MIDEAS: variants seen among roughly 807,000 people sequenced by gnomAD.
MIDEAS encodes mitotic deacetylase-associated SANT domain protein.
Under a neutral mutation model 102.7 loss-of-function variants are expected in MIDEAS, and 26 were observed. The observed-to-expected ratio is 0.25, with a 90% CI of 0.19 to 0.35. The LOEUF (loss-of-function observed/expected upper bound fraction) is 0.35, where lower values mean the gene tolerates loss of function less well. Ranked by LOEUF, MIDEAS falls within the 10% of genes least tolerant of loss-of-function variation. The pLI, the probability that MIDEAS is intolerant of heterozygous loss-of-function variation, is 1.00. For missense variants in MIDEAS, 1,231 were observed against 1,435.6 expected (o/e 0.86, Z 2.30); for synonymous variants, 585 against 591.0 (o/e 0.99, Z 0.15).
chr14:73,764,717 TG>T (rs2053580382), upstream of MIDEAS, among the ~76,000 whole-genome samples: 1 of 152,182 alleles, frequency 6.6e-6, no homozygotes, highest in Non-Finnish European at 1.5e-5. Context: ...CTTTTATCCT[TG>T]GAAAAAACCC....
intron 1 of MIDEAS, among the ~76,000 whole-genome samples, chr14:73,747,096 G>A (rs912429965): frequency 1.2e-4 from 19 of 152,136 alleles, no homozygotes; most frequent in Admixed American, 1.3e-4. Flanking sequence ...TTCCCTCAAG[G>A]CCTACCTCCT....
chr14:73,788,924 C>T (rs1420830425), upstream of MIDEAS: 2 of 152,168 alleles, frequency 1.3e-5, no homozygotes, highest in Non-Finnish European at 2.9e-5. Flanking sequence ...GTCACAATTT[C>T]ATGAATATTC....
chr14:73,745,323 C>T (rs1400780402), intron 1 of MIDEAS, among the ~76,000 whole-genome samples: 1 of 152,244 alleles, frequency 6.6e-6, no homozygotes, highest in African/African-American at 2.4e-5. Context: ...TGCAGGCCAA[C>T]TGGAAAAGTG....
At chr14:73,727,286 C>A in intron 5 of MIDEAS, 172 bp downstream of exon 5, 1 of 714,366 alleles carries the variant, frequency 1.4e-6, no homozygotes, top group Admixed American at 2.7e-5. Context: ...AACTTCCACA[C>A]AGAGGCAGGG....
Position 73,725,152 on chromosome 14 carries a change from G to T in MIDEAS, c.2574+120C>A, listed in dbSNP as rs901476309. 2.7e-6 allele frequency: 2 copies of T among 736,010 alleles called. No individual in the cohort carries two copies. Among genetic ancestry groups the T allele is most frequent in the South Asian group, 1.5e-5 (1 of 65,374 alleles). The allele number at this position is 736,010 out of a possible 1,614,324, so 45.6% of individuals were successfully genotyped here. On this transcript the variant is annotated intron_variant, in intron 9 of 12. Coordinates refer to ENST00000423556, the MANE Select transcript of MIDEAS (RefSeq NM_001367710.1). This position sits in a 1 kb window ranked among gnomAD's most constrained non-coding sequence, Gnocchi z 4.1. The stretch of plus-strand genomic sequence containing the variant: ...TATTGTTTAGGAAATTCTCTCTGAG[G>T]CTACTCAGTAGCATTGACCTGACTG...
chr14:73,735,086 T>C (rs2053185342), intron 3 of MIDEAS, among the ~76,000 whole-genome samples: 1 of 152,194 alleles, frequency 6.6e-6, no homozygotes, highest in Admixed American at 6.5e-5. Context: ...AGAATGGTGG[T>C]TACCAAGGGT....
At chr14:73,768,256 A>G (rs538129717) in intron 1 of MIDEAS, among the ~76,000 whole-genome samples, 15 of 152,114 alleles carry the variant, frequency 9.9e-5, no homozygotes, top group Non-Finnish European at 2.2e-4. Context: ...CATTTTTCCC[A>G]TTTTATAGAT....
At chr14:73,786,892 T>A (rs1483904932) in intron 1 of MIDEAS, among the ~76,000 whole-genome samples, 2 of 150,736 alleles carry the variant, frequency 1.3e-5, no homozygotes, top group African/African-American at 2.4e-5. Context: ...CTGTTTGAAG[T>A]CCCGCGGCAA....
Position 73,778,117 on chromosome 14 carries a change from G to A in MIDEAS, c.-248+8985C>T, listed in dbSNP as rs2053707940. Among the ~76,000 whole-genome samples the A allele has an allele frequency of 2.6e-5, 4 of 152,056 alleles. No individual in the cohort carries two copies. The South Asian group carries it at 8.4e-4, about 32-fold the overall frequency. Reference sequence around the variant, plus strand: ...CACCTGTAATCCCAGCACTTTGGGAGGCCGAGGCAGGTGGATCACCTGAGG... The same window carrying A: ...CACCTGTAATCCCAGCACTTTGGGAAGCCGAGGCAGGTGGATCACCTGAGG... On this transcript the variant is annotated intron_variant, in intron 1 of 11. Coordinates refer to the MIDEAS transcript ENST00000394071.
Position 73,726,897 on chromosome 14 carries a change from G to C in MIDEAS, c.2238C>G (p.Pro746=). The C allele has an allele frequency of 2.5e-6, 4 of 1,613,942 alleles. No homozygotes were observed. Among genetic ancestry groups the C allele is most frequent in the African/African-American group, 1.3e-5 (1 of 75,060 alleles). Residue 746 remains proline, a synonymous_variant, in exon 6 of 13, where the codon CCC becomes CCG. Transcript: ENST00000423556. ...GCTGCCACACCAAGTCAGCCTTGTG[G>C]GGATCTGCAGCTGCCAGGGCACGGT... ...MRDRALAAAD[P]HKADLVWQPW... is the part of the protein sequence containing the mutation.
chr14:73,771,699 A>AAGACGTGGGGTCAG (rs1335021718), intron 1 of MIDEAS, among the ~76,000 whole-genome samples: 2 of 152,240 alleles, frequency 1.3e-5, no homozygotes, highest in Non-Finnish European at 2.9e-5. Context: ...ATCTCACGGC[A>AAGACGTGGGGTCAG]AGACGTGGGG....
At chr14:73,736,524 G>A (rs1418662821) in intron 3 of MIDEAS, among the ~76,000 whole-genome samples, 1 of 151,796 alleles carries the variant, frequency 6.6e-6, no homozygotes, top group African/African-American at 2.4e-5. Flanking sequence ...CCAGCTACTC[G>A]GGAGGCTGAG....
intron 1 of MIDEAS, among the ~76,000 whole-genome samples, chr14:73,757,749 G>A (rs1254710337): frequency 6.6e-6 from 1 of 152,150 alleles, no homozygotes; most frequent in East Asian, 1.9e-4. Context: ...CTTTCTCTGG[G>A]GACTCTAGAC....
chr14:73,779,173 G>A (rs1171240973), intron 1 of MIDEAS, among the ~76,000 whole-genome samples: 3 of 151,818 alleles, frequency 2.0e-5, no homozygotes, highest in African/African-American at 7.2e-5. Context: ...GAGTACTTGA[G>A]GTTAGGAGTT....
upstream of MIDEAS, among the ~76,000 whole-genome samples, chr14:73,761,261 A>C (rs1595290132): frequency 6.6e-6 from 1 of 152,250 alleles, no homozygotes. Context: ...CTCAGGGAGA[A>C]GAGGAGGGAG....
chr14:73,750,954 G>T (rs2053411598), intron 1 of MIDEAS, among the ~76,000 whole-genome samples: 1 of 152,208 alleles, frequency 6.6e-6, no homozygotes, highest in Non-Finnish European at 1.5e-5. Flanking sequence ...TATGTGCCAG[G>T]CATGGTGCTA....
At chr14:73,749,976 G>A (rs1468040001) in intron 1 of MIDEAS, among the ~76,000 whole-genome samples, 3 of 152,188 alleles carry the variant, frequency 2.0e-5, no homozygotes, top group African/African-American at 4.8e-5. Context: ...GGGATGGAGA[G>A]GCCTTTGGGA....
At chr14:73,772,062 C>T (rs2053646812) in intron 1 of MIDEAS, among the ~76,000 whole-genome samples, 1 of 152,232 alleles carries the variant, frequency 6.6e-6, no homozygotes, top group Admixed American at 6.5e-5. Flanking sequence ...GGCCCTGAGC[C>T]AGCTGGGGGC....
At chr14:73,735,620 C>T (rs62006064) in intron 3 of MIDEAS, among the ~76,000 whole-genome samples, 4,213 of 152,234 alleles carry the variant, frequency 0.028, 97 homozygotes, top group Middle Eastern at 0.11. Context: ...TAGAAGGATA[C>T]AGAAAAGATA....
Sources: gnomAD v4.1 joint callset for allele counts (sites outside exome capture counted in the v4.1 genomes callset) on GRCh38, gnomAD v4.1.1 for gene constraint, Gnocchi (gnomAD v3.1) non-coding constraint, MANE v1.5 for transcripts, NCBI Gene and HGNC (gene_info 2026-07-23, HGNC 2026-07-21) for gene names.